Variants in CDK14 observed in about 807,000 individuals in gnomAD.
CDK14 encodes cyclin-dependent kinase 14.
In CDK14, 34 loss-of-function variants were observed where a neutral mutation model predicts 60.7. That is an observed-to-expected ratio of 0.56 (90% CI 0.43 to 0.75). The LOEUF (loss-of-function observed/expected upper bound fraction) is 0.75, where lower values mean the gene tolerates loss of function less well. Ranked by LOEUF, CDK14 falls within the 30% of genes least tolerant of loss-of-function variation. CDK14 has a pLI of 0.00. For missense variants in CDK14, 482 were observed against 564.1 expected (o/e 0.85, Z 1.47); for synonymous variants, 197 against 203.7 (o/e 0.97, Z 0.28).
At chr7:91,175,605 T>C (rs1584170142) in intron 14 of CDK14, among the ~76,000 whole-genome samples, 1 of 151,088 alleles carries the variant, frequency 6.6e-6, no homozygotes, top group Non-Finnish European at 1.5e-5. Context: ...AATAAAAGGA[T>C]GGAGGAAGAT....
chr7:90,799,188 T>TC (rs1156646874), intron 5 of CDK14, among the ~76,000 whole-genome samples: 1 of 152,166 alleles, frequency 6.6e-6, no homozygotes, highest in Non-Finnish European at 1.5e-5. Flanking sequence ...ATCTAGATAC[T>TC]CTAATAGGGA....
intron 11 of CDK14, among the ~76,000 whole-genome samples, chr7:91,059,433 T>C (rs1268120421): frequency 1.3e-5 from 2 of 152,220 alleles, no homozygotes; most frequent in Non-Finnish European, 2.9e-5. Flanking sequence ...TAGTTATTTC[T>C]TGCCTTCTGC....
chr7:91,073,534 G>A (rs1385589235), intron 11 of CDK14, among the ~76,000 whole-genome samples: 1 of 152,094 alleles, frequency 6.6e-6, no homozygotes, highest in Non-Finnish European at 1.5e-5. Context: ...ACTGGTAGTA[G>A]CCACTGCAAA....
At chr7:91,204,035 G>C (rs1449561875) in intron 14 of CDK14, among the ~76,000 whole-genome samples, 5 of 152,262 alleles carry the variant, frequency 3.3e-5, no homozygotes, top group Middle Eastern at 3.4e-3. Flanking sequence ...GTTTGATAAA[G>C]GTATATCTGC....
intron 2 of CDK14, among the ~76,000 whole-genome samples, chr7:90,683,011 A>T (rs1314710506): frequency 6.6e-6 from 1 of 151,964 alleles, no homozygotes; most frequent in African/African-American, 2.4e-5. Flanking sequence ...GTGTTAGTCG[A>T]TTTCTTTATG....
intron 10 of CDK14, among the ~76,000 whole-genome samples, chr7:91,002,468 T>A (rs1795867728): frequency 6.6e-6 from 1 of 152,214 alleles, no homozygotes; most frequent in African/African-American, 2.4e-5. Flanking sequence ...TTTGATCACT[T>A]GTGTAGTGTA....
intron 5 of CDK14, among the ~76,000 whole-genome samples, chr7:90,793,078 T>A (rs539435580): frequency 6.6e-6 from 1 of 151,860 alleles, no homozygotes; most frequent in South Asian, 2.1e-4. Flanking sequence ...CTTATTGGAA[T>A]GTGAAAATTT....
At position 91,176,890 on chromosome 7, in the gene CDK14, A is replaced by G. The variant is rs994341410; in HGVS notation, c.*29-30275A>G. 8.5e-5 allele frequency among the ~76,000 whole-genome samples: 13 copies of G among 152,298 alleles called. 1 individual carries two copies. The East Asian group carries it at 2.3e-3, about 27-fold the overall frequency. On this transcript the variant is annotated intron_variant, in intron 14 of 14. Coordinates refer to ENST00000380050, the MANE Select transcript of CDK14 (RefSeq NM_001287135.2). Reference sequence around the variant, plus strand: ...AATTCTACCAGAGGTACAAGGAGGAACTGGTACCATTCCTTCTGAAACTAT... The same window carrying G: ...AATTCTACCAGAGGTACAAGGAGGAGCTGGTACCATTCCTTCTGAAACTAT...
intron 14 of CDK14, among the ~76,000 whole-genome samples, chr7:91,174,549 A>G (rs1014715465): frequency 3.3e-5 from 5 of 149,476 alleles, no homozygotes; most frequent in African/African-American, 7.4e-5. Context: ...AAAGAAGTTG[A>G]AAACTTTGAA....
intron 2 of CDK14, among the ~76,000 whole-genome samples, chr7:90,620,422 TCTC>T (rs1245920119): frequency 6.6e-6 from 1 of 152,104 alleles, no homozygotes; most frequent in Non-Finnish European, 1.5e-5. Flanking sequence ...GAGTGACGCT[TCTC>T]CACCTGAACA....
intron 12 of CDK14, among the ~76,000 whole-genome samples, chr7:91,091,501 T>TTATATATA (rs56670195): frequency 0.1 from 8,879 of 88,926 alleles, 1,121 homozygotes; most frequent in Admixed American, 0.18. Flanking sequence ...TTTATATATT[T>TTATATATA]TATATATATA....
chr7:91,069,693 C>T (rs994874744), intron 11 of CDK14, among the ~76,000 whole-genome samples: 23 of 152,190 alleles, frequency 1.5e-4, no homozygotes, highest in African/African-American at 5.3e-4. Context: ...TATGTGAATG[C>T]TGTCTAAATA....
chr7:90,690,732 ACATT>A (rs141037678), intron 2 of CDK14, among the ~76,000 whole-genome samples: 59,698 of 151,534 alleles, frequency 0.39, 12,228 homozygotes, highest in East Asian at 0.66. Context: ...GCCGCAACAT[ACATT>A]AATTTAAAAT....
At chr7:90,983,274 A>G (rs768562374) in intron 9 of CDK14, among the ~76,000 whole-genome samples, 2 of 152,214 alleles carry the variant, frequency 1.3e-5, no homozygotes, top group Non-Finnish European at 2.9e-5. Flanking sequence ...CCACAGCACT[A>G]TTCACAATAA....
At chr7:90,806,864 T>C (rs895234397) in intron 5 of CDK14, among the ~76,000 whole-genome samples, 1 of 151,754 alleles carries the variant, frequency 6.6e-6, no homozygotes, top group African/African-American at 2.4e-5. Flanking sequence ...GGAGCCTCAC[T>C]CATTGCTAGC....
Position 91,207,758 on chromosome 7 carries a change from A to T in CDK14, c.*622A>T, listed in dbSNP as rs1260477868. 6.5e-6 allele frequency: 1 copy of T among 152,692 alleles called. No individual in the cohort carries two copies. The highest frequency in any genetic ancestry group is 1.5e-5 in the Non-Finnish European group (1 of 68,050). 9.5% of individuals were successfully genotyped at this position (152,692 alleles called of 1,614,324 possible). On this transcript the variant is annotated 3_prime_UTR_variant, in exon 15 of 15. Coordinates refer to ENST00000380050, the MANE Select transcript of CDK14 (RefSeq NM_001287135.2). ...GGTTTTTTTACTTGGAAATAACTGC[A>T]CATTTATATATAGGATATTGGACTC...
intron 4 of CDK14, among the ~76,000 whole-genome samples, chr7:90,762,495 CAG>C (rs1426144593): frequency 6.6e-6 from 1 of 152,066 alleles, no homozygotes; most frequent in Non-Finnish European, 1.5e-5. Flanking sequence ...ACAAACGTGA[CAG>C]ATATTAATAC....
At chr7:90,726,132 C>G (rs1802624571) in intron 2 of CDK14, 1 of 156,408 alleles carries the variant, frequency 6.4e-6, no homozygotes, top group East Asian at 1.9e-4. Context: ...CTTTCCTTCT[C>G]TAGCCTAGGT....
At chr7:91,061,939 A>G (rs554865134) in intron 11 of CDK14, among the ~76,000 whole-genome samples, 2 of 152,310 alleles carry the variant, frequency 1.3e-5, no homozygotes, top group East Asian at 3.9e-4. Flanking sequence ...TCAGACAAGG[A>G]CATTTAAGTC....
Sources: gnomAD v4.1 joint callset for allele counts (sites outside exome capture counted in the v4.1 genomes callset) on GRCh38, gnomAD v4.1.1 for gene constraint, MANE v1.5 for transcripts, NCBI Gene and HGNC (gene_info 2026-07-23, HGNC 2026-07-21) for gene names.